The following SLC25A27 variants were observed in gnomAD, a reference collection of about 807,000 sequenced individuals.
SLC25A27 encodes the protein solute carrier family 25 member 27.
In SLC25A27, 35 loss-of-function variants were observed where a neutral mutation model predicts 49.1. The ratio of observed to expected loss-of-function variants is 0.71; its 90% CI spans 0.54 to 0.95. SLC25A27 has a LOEUF of 0.95. Among genes scored for constraint, SLC25A27 ranks in the 40% least tolerant of loss-of-function variants. The pLI, the probability that SLC25A27 is intolerant of heterozygous loss-of-function variation, is 0.00. For synonymous variants in SLC25A27, 144 were observed against 136.9 expected (o/e 1.05, Z -0.36); for missense variants, 339 against 397.1 (o/e 0.85, Z 1.24).
intron 8 of SLC25A27, among the ~76,000 whole-genome samples, chr6:46,673,228 T>C (rs1157598818): frequency 1.3e-5 from 2 of 152,226 alleles, no homozygotes; most frequent in East Asian, 3.8e-4. Context: ...TGGCCAACAC[T>C]GTGCTAATCA....
chr6:46,671,009 C>T lies in SLC25A27; in HGVS notation c.798-117C>T, dbSNP rs147734593. 3.0e-3 allele frequency: 2,017 copies of T among 672,172 alleles called. 51 individuals carry two copies. The East Asian group carries it at 0.055, about 18-fold the overall frequency. 41.6% of individuals were successfully genotyped at this position (672,172 alleles called of 1,614,324 possible). On this transcript the variant is annotated intron_variant, in intron 7 of 8. Transcript: ENST00000371347. ...CCTCCCAAAGTGCTGGGATTACAGG[C>T]GTAAGCCACCGCGCCCGGCCAATAT... is the stretch of plus-strand genomic sequence containing the variant.
chr6:46,654,517 A>G (rs1378624437), intron 1 of SLC25A27, among the ~76,000 whole-genome samples: 1 of 152,186 alleles, frequency 6.6e-6, no homozygotes, highest in Admixed American at 6.5e-5. Context: ...CTCTGACTCA[A>G]TGGCTTTTAT....
chr6:46,671,399 T>C (rs1427374838), intron 8 of SLC25A27, among the ~76,000 whole-genome samples, 171 bp downstream of exon 8: 1 of 152,114 alleles, frequency 6.6e-6, no homozygotes, highest in East Asian at 1.9e-4. Context: ...CTCCTCAGAG[T>C]TATCTTGCCT....
At chr6:46,658,931 A>G in intron 2 of SLC25A27, 31 bp from the exon 3 acceptor site, 1 of 1,496,148 alleles carries the variant, frequency 6.7e-7, no homozygotes, top group East Asian at 2.3e-5. Context: ...ATATAGCCAA[A>G]GTTACCTTTT....
chr6:46,653,396 A>G, intron 1 of SLC25A27, 98 bp downstream of exon 1: 1 of 1,459,322 alleles, frequency 6.9e-7, no homozygotes, highest in South Asian at 1.4e-5. Context: ...TGCGCATCGG[A>G]GAGGTCGCCC....
At chr6:46,655,489 A>AGTTAAATTTCT (rs1199528761) in intron 1 of SLC25A27, among the ~76,000 whole-genome samples, 2 of 149,452 alleles carry the variant, frequency 1.3e-5, no homozygotes, top group Non-Finnish European at 3.0e-5. Flanking sequence ...ATTTCTGAAT[A>AGTTAAATTTCT]GAAAGAACCC....
chr6:46,654,199 A>T (rs965443259), intron 1 of SLC25A27: 43 of 861,486 alleles, frequency 5.0e-5, no homozygotes, highest in Non-Finnish European at 5.7e-5. Context: ...GATTACCCTT[A>T]CATTTTCTTG....
At position 46,662,442 on chromosome 6, in the gene SLC25A27, A is replaced by C. The variant is rs1562037517; in HGVS notation, c.450A>C (p.Leu150=). Residue 150 remains leucine, a synonymous_variant, in exon 4 of 9, where the codon CTA becomes CTC. Transcript: ENST00000371347. ...IGQFLANPTD[L]VKVQMQMEGK... ...AGTTTTTAGCCAATCCAACTGACCT[A>C]GTGAAGGTTCAGATGCAAATGGAAG... The C allele has an allele frequency of 6.2e-7, 1 of 1,613,992 alleles. No homozygotes were observed. Among genetic ancestry groups the C allele is most frequent in the African/African-American group, 1.3e-5 (1 of 75,050 alleles).
At chr6:46,654,244 G>A (rs1762886842) in intron 1 of SLC25A27, 1 of 420,566 alleles carries the variant, frequency 2.4e-6, no homozygotes, top group Admixed American at 6.4e-5. Flanking sequence ...CAGTTCTGAT[G>A]CGTTATCATT....
At chr6:46,663,944 T>A (rs1763244764) in intron 4 of SLC25A27, among the ~76,000 whole-genome samples, 1 of 152,244 alleles carries the variant, frequency 6.6e-6, no homozygotes, top group Non-Finnish European at 1.5e-5. Flanking sequence ...AAATGCTTGG[T>A]ACTTAGTAAG....
In SLC25A27 at chr6:46,670,127, A is replaced by G. The variant is rs1458599761; in HGVS notation, c.705-8A>G. 1 of 1,587,304 alleles carries G rather than the reference A, an allele frequency of 6.3e-7. No homozygotes were observed. On this transcript the variant is annotated splice_polypyrimidine_tract_variant and splice_region_variant and intron_variant, in intron 6 of 8. Transcript: ENST00000371347. ...CCATCTTTCAATTTCATTTATTTGTATTTATAGTTTATGTTCTGGACTGGT... is the reference window on the plus strand; with the variant it reads ...CCATCTTTCAATTTCATTTATTTGTGTTTATAGTTTATGTTCTGGACTGGT...
chr6:46,664,700 A>G, intron 4 of SLC25A27, 74 bp from the exon 5 acceptor site: 1 of 672,224 alleles, frequency 1.5e-6, no homozygotes, highest in Non-Finnish European at 2.4e-6. Context: ...AAGAGCTATA[A>G]GTGAAGCTTA....
At chr6:46,665,603 G>A (rs544462408) in intron 5 of SLC25A27, among the ~76,000 whole-genome samples, 132 of 152,094 alleles carry the variant, frequency 8.7e-4, no homozygotes, top group African/African-American at 2.7e-3. Context: ...GGAGAATGGC[G>A]TGAACCCGGG....
At chr6:46,664,348 G>C (rs547991995) in intron 4 of SLC25A27, among the ~76,000 whole-genome samples, 2 of 152,042 alleles carry the variant, frequency 1.3e-5, no homozygotes, top group Admixed American at 6.5e-5. Flanking sequence ...TTTTTTATGA[G>C]ATTAATTGTT....
rs918162546 is a variant in SLC25A27 at position 46,671,117 on chromosome 6, C to T, written c.798-9C>T. ...GAAAAAAATTAAAAGGATCTTGTTT[C>T]CTTTTTAGGGGACTTTTGTATAAAT... On this transcript the variant is annotated splice_polypyrimidine_tract_variant and intron_variant, in intron 7 of 8. Transcript: ENST00000371347. The T allele has an allele frequency of 3.9e-6, 6 of 1,553,738 alleles. No individual in the cohort carries two copies. The Admixed American group carries it at 5.7e-5, about 15-fold the overall frequency.
chr6:46,657,702 TA>T (rs1427773549), intron 2 of SLC25A27, among the ~76,000 whole-genome samples: 1 of 152,258 alleles, frequency 6.6e-6, no homozygotes, highest in Non-Finnish European at 1.5e-5. Context: ...AAATTTTTCA[TA>T]TTTTTTGAAA....
At chr6:46,659,710 C>T (rs1362957058) in intron 3 of SLC25A27, among the ~76,000 whole-genome samples, 1 of 151,744 alleles carries the variant, frequency 6.6e-6, no homozygotes, top group African/African-American at 2.4e-5. Flanking sequence ...AAAAAATTAG[C>T]TGGGTTTGGT....
intron 8 of SLC25A27, among the ~76,000 whole-genome samples, chr6:46,674,113 A>G (rs1763662246): frequency 6.6e-6 from 1 of 152,180 alleles, no homozygotes; most frequent in African/African-American, 2.4e-5. Context: ...ATGAGGGGCA[A>G]GTAGAATATT....
At chr6:46,656,219 C>T (rs190727492) in intron 2 of SLC25A27, among the ~76,000 whole-genome samples, 185 bp downstream of exon 2, 6 of 151,640 alleles carry the variant, frequency 4.0e-5, no homozygotes, top group African/African-American at 7.3e-5. Context: ...CACACTCTGT[C>T]GCCCAGGCTG....
Sources: gnomAD v4.1 joint callset for allele counts (sites outside exome capture counted in the v4.1 genomes callset) on GRCh38, gnomAD v4.1.1 for gene constraint, MANE v1.5 for transcripts, NCBI Gene and HGNC (gene_info 2026-07-23, HGNC 2026-07-21) for gene names.